Variants in ACSL1 observed in about 807,000 individuals in gnomAD.
ACSL1 encodes the protein acyl-CoA synthetase long chain family member 1.
ACSL1 carries 41 observed loss-of-function variants against 98.4 expected under a neutral mutation model. That is an observed-to-expected ratio of 0.42 (90% CI 0.32 to 0.54). The LOEUF (loss-of-function observed/expected upper bound fraction) is 0.54, where lower values mean the gene tolerates loss of function less well. Among genes scored for constraint, ACSL1 ranks in the 20% least tolerant of loss-of-function variants. The pLI is 0.13. For missense variants in ACSL1, 734 were observed against 883.1 expected, an observed-to-expected ratio of 0.83 and a Z score of 2.14; for synonymous variants, 316 against 322.7, an observed-to-expected ratio of 0.98 and a Z score of 0.22.
At chr4:184,782,217 T>C (rs549632710) in intron 4 of ACSL1, among the ~76,000 whole-genome samples, 3 of 150,224 alleles carry the variant, frequency 2.0e-5, no homozygotes, top group African/African-American at 4.9e-5. Flanking sequence ...GTAAATATGA[T>C]TGAATAATAC....
chr4:184,776,921 GGTATCATAAA>G lies in ACSL1; in HGVS notation c.530_539del (p.Leu177ProfsTer10). 2 of 1,614,112 alleles carry G rather than the reference GGTATCATAAA, an allele frequency of 1.2e-6. No homozygotes were observed. The highest frequency in any genetic ancestry group is 1.7e-6 in the Non-Finnish European group (2 of 1,180,028). ...TGTACGTGATGGCTTCATTTCCAAG[GGTATCATAAA>G]GTGGAACGATCACCATCGAATAAGC... is the stretch of plus-strand genomic sequence containing the variant. On this transcript the variant is annotated frameshift_variant, in exon 6 of 21. Transcript: ENST00000281455. LOFTEE classifies it high-confidence loss of function.
chr4:184,761,259 T>C (rs2150267021), intron 17 of ACSL1, among the ~76,000 whole-genome samples: 1 of 152,322 alleles, frequency 6.6e-6, no homozygotes, highest in Non-Finnish European at 1.5e-5. Context: ...GGAACTGACA[T>C]TTAATCTCTC....
chr4:184,779,966 G>A (rs868785675), intron 5 of ACSL1, among the ~76,000 whole-genome samples: 33 of 151,212 alleles, frequency 2.2e-4, no homozygotes, highest in African/African-American at 7.3e-4. Context: ...TCTGCCTCCC[G>A]GATTCAAGCG....
intron 3 of ACSL1, among the ~76,000 whole-genome samples, chr4:184,785,390 A>C (rs557949939): frequency 1.3e-5 from 2 of 152,132 alleles, no homozygotes; most frequent in Non-Finnish European, 2.9e-5. Context: ...TAGAGATGAG[A>C]GCCACTGAGA....
At chr4:184,778,190 C>G (rs1437258278) in intron 5 of ACSL1, among the ~76,000 whole-genome samples, 1 of 152,172 alleles carries the variant, frequency 6.6e-6, no homozygotes, top group Non-Finnish European at 1.5e-5. Flanking sequence ...ACTACCATAC[C>G]CAGGGGTACC....
chr4:184,769,807 A>T (rs1033126459), intron 11 of ACSL1, among the ~76,000 whole-genome samples: 9 of 152,208 alleles, frequency 5.9e-5, no homozygotes. Flanking sequence ...AAAATTGTCA[A>T]AGAAGGAAAA....
chr4:184,799,511 T>C (rs1008873448), intron 2 of ACSL1, among the ~76,000 whole-genome samples: 1 of 152,110 alleles, frequency 6.6e-6, no homozygotes, highest in Non-Finnish European at 1.5e-5. Flanking sequence ...TCCATTTCCA[T>C]CACTACCTTT....
At chr4:184,802,658 G>A (rs780889782) in intron 2 of ACSL1, among the ~76,000 whole-genome samples, 7 of 152,260 alleles carry the variant, frequency 4.6e-5, no homozygotes, top group South Asian at 2.1e-4. Context: ...GTTTCCTTAC[G>A]CCATCCCTCC....
chr4:184,805,365 G>T, intron 1 of ACSL1: 1 of 567,766 alleles, frequency 1.8e-6, no homozygotes, highest in Non-Finnish European at 2.2e-6. Flanking sequence ...TTCAATCTCT[G>T]CTACAATGAA....
rs1773411055 is a variant in ACSL1, at chr4:184,825,569, C to A, written c.-33+347G>T. Among the ~76,000 whole-genome samples, 1 of 151,458 alleles carries A rather than the reference C, an allele frequency of 6.6e-6. No homozygotes were observed. Among genetic ancestry groups the A allele is most frequent in the Non-Finnish European group, 1.5e-5 (1 of 67,836 alleles). The stretch of plus-strand genomic sequence containing the variant: ...CCACCTCCTCCCAGCCGAAGCGCGG[C>A]CTCCGGCTGCTTCGCCGGGCCGGTC... On this transcript the variant is annotated intron_variant, in intron 1 of 20. Transcript: ENST00000281455. This position sits in a 1 kb window ranked among gnomAD's most constrained non-coding sequence, Gnocchi z 4.7.
chr4:184,780,679 G>A (rs1047092558), intron 4 of ACSL1, among the ~76,000 whole-genome samples: 1 of 152,150 alleles, frequency 6.6e-6, no homozygotes, highest in Admixed American at 6.5e-5. Flanking sequence ...TTATCCCAAT[G>A]GCTGCAGGTC....
chr4:184,783,957 G>A lies in ACSL1; in HGVS notation c.345C>T (p.Asp115=), dbSNP rs1415968034. The part of the protein sequence containing the change: ...NGPCLGSRKP[D]QPYEWLSYKQ... ...TATATGAAAGCCATTCATAGGGTTG[G>A]TCTGGTTTCCGAGAGCCTAAACAAG... is the stretch of plus-strand genomic sequence containing the variant. The change falls in exon 4 of 21, where the codon GAC becomes GAT. Residue 115 remains aspartate (D), a synonymous_variant. Coordinates refer to ENST00000281455, the MANE Select transcript of ACSL1 (RefSeq NM_001995.5). 1.9e-6 allele frequency: 3 copies of A among 1,613,898 alleles called. No individual in the cohort carries two copies. Among genetic ancestry groups the A allele is most frequent in the East Asian group, 2.2e-5 (1 of 44,872 alleles).
intron 1 of ACSL1, among the ~76,000 whole-genome samples, chr4:184,807,115 T>G (rs113895352): frequency 6.6e-6 from 1 of 152,242 alleles, no homozygotes; most frequent in African/African-American, 2.4e-5. Flanking sequence ...CAACGCTGTA[T>G]GTGAACATAA....
intron 1 of ACSL1, among the ~76,000 whole-genome samples, chr4:184,807,521 A>T (rs1345938419): frequency 6.6e-6 from 1 of 152,204 alleles, no homozygotes; most frequent in Non-Finnish European, 1.5e-5. Context: ...TGGGGAAGGT[A>T]ACAATGGCCA....
intron 3 of ACSL1, among the ~76,000 whole-genome samples, chr4:184,787,026 C>A (rs6855063): frequency 2.0e-5 from 3 of 152,002 alleles, no homozygotes; most frequent in Admixed American, 6.5e-5. Flanking sequence ...TACATGCAAC[C>A]TATCATGAGG....
At chr4:184,822,748 GA>G (rs765948398) in intron 1 of ACSL1, among the ~76,000 whole-genome samples, 1 of 141,246 alleles carries the variant, frequency 7.1e-6, no homozygotes, top group Non-Finnish European at 1.6e-5. Context: ...TGGGAAAAAA[GA>G]AAAAAAAAAG....
At chr4:184,804,319 C>G (rs1342623885) in intron 1 of ACSL1, among the ~76,000 whole-genome samples, 1 of 152,142 alleles carries the variant, frequency 6.6e-6, no homozygotes. Flanking sequence ...GTGGCTCATG[C>G]CTGTAATCCC....
intron 2 of ACSL1, among the ~76,000 whole-genome samples, chr4:184,801,000 G>A (rs1020701946): frequency 2.6e-5 from 4 of 152,112 alleles, no homozygotes; most frequent in Non-Finnish European, 5.9e-5. Flanking sequence ...CTACAGCCAT[G>A]AGCCACCACA....
At chr4:184,811,737 T>C (rs1772138584) in intron 1 of ACSL1, among the ~76,000 whole-genome samples, 1 of 152,108 alleles carries the variant, frequency 6.6e-6, no homozygotes, top group Non-Finnish European at 1.5e-5. Context: ...ATGGTGGTAA[T>C]GGTTATACAA....
Sources: gnomAD v4.1 joint callset for allele counts (sites outside exome capture counted in the v4.1 genomes callset) on GRCh38, gnomAD v4.1.1 for gene constraint, Gnocchi (gnomAD v3.1) non-coding constraint, MANE v1.5 for transcripts, NCBI Gene and HGNC (gene_info 2026-07-23, HGNC 2026-07-21) for gene names.